The following FBXO21 variants were observed in gnomAD, a reference collection of about 807,000 sequenced individuals.
FBXO21 encodes the protein F-box only protein 21.
FBXO21 carries 32 observed loss-of-function variants against 76.6 expected under a neutral mutation model. The observed-to-expected ratio is 0.42, with a 90% CI of 0.32 to 0.56. FBXO21 has a LOEUF of 0.56. FBXO21 is among the 20% of genes least tolerant of loss of function. FBXO21 has a pLI of 0.16. For synonymous variants in FBXO21, 328 were observed against 311.5 expected (o/e 1.05, Z -0.56); for missense variants, 586 against 797.3 (o/e 0.73, Z 3.19).
At chr12:117,174,913 CT>C in intron 4 of FBXO21, 116 bp from the exon 5 acceptor site, 3 of 1,074,992 alleles carry the variant, frequency 2.8e-6, no homozygotes, top group Non-Finnish European at 4.0e-6. Flanking sequence ...ACTGGACAAG[CT>C]TCATGTTTTG....
intron 3 of FBXO21, among the ~76,000 whole-genome samples, chr12:117,183,272 C>T (rs1261707211): frequency 6.1e-5 from 9 of 146,684 alleles, no homozygotes; most frequent in Non-Finnish European, 1.0e-4. Context: ...TTTTTTGAGA[C>T]GGAGTTTCAC....
intron 3 of FBXO21, among the ~76,000 whole-genome samples, chr12:117,185,002 G>A (rs1385124452): frequency 2.0e-5 from 3 of 152,084 alleles, no homozygotes; most frequent in Admixed American, 6.6e-5. Context: ...AGAGGTGGGG[G>A]CAGGAAAGGA....
chr12:117,172,281 T>C (rs960006433), intron 7 of FBXO21, among the ~76,000 whole-genome samples, 190 bp downstream of exon 7: 3 of 152,208 alleles, frequency 2.0e-5, no homozygotes, highest in African/African-American at 7.2e-5. Context: ...CCATCTTAAC[T>C]GTTATAGTAT....
At chr12:117,172,961 G>A (rs895437658) in intron 6 of FBXO21, among the ~76,000 whole-genome samples, 2 of 152,026 alleles carry the variant, frequency 1.3e-5, no homozygotes, top group Non-Finnish European at 2.9e-5. Context: ...TATATTATCT[G>A]TGCCTCCTTT....
chr12:117,186,925 G>A (rs1187341858), intron 2 of FBXO21, among the ~76,000 whole-genome samples: 1 of 152,192 alleles, frequency 6.6e-6, no homozygotes, highest in Admixed American at 6.5e-5. Flanking sequence ...TAAGGAGTTT[G>A]AGACCAGCCT....
intron 3 of FBXO21, among the ~76,000 whole-genome samples, chr12:117,183,501 C>A (rs1392034778): frequency 2.0e-5 from 3 of 152,176 alleles, no homozygotes; most frequent in African/African-American, 7.2e-5. Context: ...CTCAGATGAT[C>A]CAAGGACTTG....
Position 117,144,076 on chromosome 12 carries a change from A to G in FBXO21, c.*2011T>C, listed in dbSNP as rs1955742184. On this transcript the variant is annotated 3_prime_UTR_variant, in exon 12 of 12. Transcript: ENST00000622495. ...GGAGCCCCATGAAGCATTCATGAAG[A>G]AAGACATTTAAAAACAGTCTAGATA... is the stretch of plus-strand genomic sequence containing the variant. 6.6e-6 allele frequency: 1 copy of G among 152,652 alleles called. No individual in the cohort carries two copies. The highest frequency in any genetic ancestry group is 2.4e-5 in the African/African-American group (1 of 41,456). 9.5% of individuals were successfully genotyped at this position (152,652 alleles called of 1,614,324 possible). A position where few individuals can be genotyped will look rare whatever the true frequency, so the allele number is the denominator to read the frequency against.
At chr12:117,180,172 C>T (rs138718060) in intron 3 of FBXO21, among the ~76,000 whole-genome samples, 1 of 152,146 alleles carries the variant, frequency 6.6e-6, no homozygotes, top group Non-Finnish European at 1.5e-5. Flanking sequence ...CTTTTAAAAT[C>T]CTTGCATTGG....
intron 3 of FBXO21, among the ~76,000 whole-genome samples, chr12:117,178,610 G>C (rs1223413835): frequency 6.6e-6 from 1 of 151,900 alleles, no homozygotes; most frequent in Admixed American, 6.6e-5. Context: ...CCTCAGTCCA[G>C]CCACCCAAGC....
rs1055146897 is a variant in FBXO21 at position 117,143,331 on chromosome 12, A to G, written c.*2756T>C. ...GTCACAGGTATTGAGAAACACCACC[A>G]TAGAGTCAATTGACTTTGTTTAACC... On this transcript the variant is annotated 3_prime_UTR_variant, in exon 12 of 12. Coordinates refer to ENST00000622495, the MANE Select transcript of FBXO21 (RefSeq NM_015002.3). 6.6e-6 allele frequency: 1 copy of G among 152,190 alleles called. No individual in the cohort carries two copies. Among genetic ancestry groups the G allele is most frequent in the African/African-American group, 2.4e-5 (1 of 41,446 alleles). 9.4% of individuals were successfully genotyped at this position (152,190 alleles called of 1,614,324 possible).
At chr12:117,167,249 C>A (rs536860103) in intron 7 of FBXO21, among the ~76,000 whole-genome samples, 172 bp from the exon 8 acceptor site, 2 of 152,322 alleles carry the variant, frequency 1.3e-5, no homozygotes, top group South Asian at 4.1e-4. Context: ...TCTGCTAAGA[C>A]CACAGCACAC....
intron 1 of FBXO21, 24 bp downstream of exon 1, chr12:117,190,194 C>G: frequency 8.0e-7 from 1 of 1,255,562 alleles, no homozygotes; most frequent in Admixed American, 3.9e-5. Flanking sequence ...GGCGCGCAGC[C>G]GGGGCGCGGG....
At chr12:117,147,724 C>T (rs1955792701) in intron 11 of FBXO21, among the ~76,000 whole-genome samples, 1 of 152,194 alleles carries the variant, frequency 6.6e-6, no homozygotes, top group Non-Finnish European at 1.5e-5. Context: ...GCTTTGTGCG[C>T]CCTTCTTTGC....
chr12:117,177,999 C>T (rs1055547329), intron 3 of FBXO21, among the ~76,000 whole-genome samples: 1 of 152,174 alleles, frequency 6.6e-6, no homozygotes, highest in Non-Finnish European at 1.5e-5. Context: ...CCTGGGCACT[C>T]ACTGCCATGG....
intron 7 of FBXO21, among the ~76,000 whole-genome samples, chr12:117,168,603 A>C (rs534837165): frequency 6.6e-6 from 1 of 152,298 alleles, no homozygotes; most frequent in African/African-American, 2.4e-5. Flanking sequence ...ATGTTCTAGA[A>C]ACAAGGCACT....
chr12:117,166,832 AAAC>A (rs1256904995), intron 8 of FBXO21, 63 bp downstream of exon 8: 1 of 1,438,412 alleles, frequency 7.0e-7, no homozygotes, highest in Non-Finnish European at 9.7e-7. Context: ...GGCACATCTC[AAAC>A]ACAATTCAAG....
rs1426699373 is a variant in FBXO21, at chr12:117,145,892, C to T, written c.*195G>A. 1.0e-5 allele frequency: 5 copies of T among 483,246 alleles called. No homozygotes were observed. Among genetic ancestry groups the T allele is most frequent in the East Asian group, 3.3e-5 (1 of 30,190 alleles). 29.9% of individuals were successfully genotyped at this position (483,246 alleles called of 1,614,324 possible). On this transcript the variant is annotated 3_prime_UTR_variant, in exon 12 of 12. Coordinates refer to ENST00000622495, the MANE Select transcript of FBXO21 (RefSeq NM_015002.3). The stretch of plus-strand genomic sequence containing the variant: ...TTTCAGATTAATTCACTAGTGTAGG[C>T]GGAGAGCAACATTGTCTTTGCAGCT...
chr12:117,174,280 A>G lies in FBXO21; in HGVS notation c.801T>C (p.Tyr267=). The change falls in exon 6 of 12, where the codon TAT becomes TAC. Residue 267 remains tyrosine, a synonymous_variant. Transcript: ENST00000622495. ...LQSQVLDAMN[Y]VLYDQLKFKG... ...TGAACTTCAGTTGGTCGTAAAGGAC[A>G]TAGTTCATGGCATCCAGCACCTGGC... 1 of 1,613,706 alleles carries G rather than the reference A, an allele frequency of 6.2e-7. No homozygotes were observed. The highest frequency in any genetic ancestry group is 1.7e-5 in the Admixed American group (1 of 60,026).
chr12:117,178,767 T>G (rs1956200988), intron 3 of FBXO21, among the ~76,000 whole-genome samples: 1 of 152,044 alleles, frequency 6.6e-6, no homozygotes, highest in South Asian at 2.1e-4. Flanking sequence ...CCCCCTACAT[T>G]ATTTTAAATG....
Sources: gnomAD v4.1 joint callset for allele counts (sites outside exome capture counted in the v4.1 genomes callset) on GRCh38, gnomAD v4.1.1 for gene constraint, MANE v1.5 for transcripts, NCBI Gene and HGNC (gene_info 2026-07-23, HGNC 2026-07-21) for gene names.